RBFOX1: variants seen among roughly 807,000 people sequenced by gnomAD.
The protein encoded by RBFOX1 is RNA binding fox-1 homolog 1, also known as RNA binding protein fox-1 homolog 1.
RBFOX1 carries 8 observed loss-of-function variants against 57.7 expected under a neutral mutation model. The observed-to-expected ratio is 0.14, with a 90% CI of 0.08 to 0.25. The LOEUF (loss-of-function observed/expected upper bound fraction) is 0.25. RBFOX1 is among the 10% of genes least tolerant of loss of function. The pLI is 1.00. For synonymous variants in RBFOX1, 326 were observed against 222.4 expected, an observed-to-expected ratio of 1.47 and a Z score of -4.15; for missense variants, 611 against 548.5, an observed-to-expected ratio of 1.11 and a Z score of -1.14.
At chr16:7,354,700 C>G (rs554478642) in intron 4 of RBFOX1, among the ~76,000 whole-genome samples, 1 of 152,274 alleles carries the variant, frequency 6.6e-6, no homozygotes, top group African/African-American at 2.4e-5. Context: ...TGGAAACATA[C>G]TGTGCGATAT....
chr16:7,347,317 C>G (rs1206116787), intron 4 of RBFOX1, among the ~76,000 whole-genome samples: 1 of 152,112 alleles, frequency 6.6e-6, no homozygotes. Context: ...CCCTCACAAT[C>G]ATGTTGGAAG....
At chr16:5,746,252 T>C (rs1941376173) in intron 3 of RBFOX1, among the ~76,000 whole-genome samples, 1 of 152,350 alleles carries the variant, frequency 6.6e-6, no homozygotes, top group Admixed American at 6.5e-5. Context: ...TGGTTGTAGA[T>C]GTGTGGTATT....
intron 2 of RBFOX1, among the ~76,000 whole-genome samples, chr16:6,327,876 T>G (rs1260633308): frequency 6.6e-6 from 1 of 152,154 alleles, no homozygotes; most frequent in Non-Finnish European, 1.5e-5. Context: ...GGGTTACTGT[T>G]CTATCCATAA....
intron 9 of RBFOX1, among the ~76,000 whole-genome samples, chr16:7,606,514 A>C (rs2095292344): frequency 6.6e-6 from 1 of 152,198 alleles, no homozygotes; most frequent in South Asian, 2.1e-4. Context: ...TGTTCCCCTA[A>C]ATAATGCCCA....
chr16:7,176,151 G>C (rs1008976196), intron 4 of RBFOX1, among the ~76,000 whole-genome samples: 1 of 150,518 alleles, frequency 6.6e-6, no homozygotes, highest in African/African-American at 2.5e-5. Flanking sequence ...TACATGCTAG[G>C]TGTGTGATTT....
chr16:6,494,335 G>A (rs1464957852), intron 2 of RBFOX1, among the ~76,000 whole-genome samples: 2 of 152,158 alleles, frequency 1.3e-5, no homozygotes, highest in Admixed American at 6.5e-5. Flanking sequence ...GTTCCATCCT[G>A]AGGTTCCATT....
intron 1 of RBFOX1, among the ~76,000 whole-genome samples, chr16:6,155,667 C>G (rs2096833304): frequency 1.3e-5 from 2 of 152,170 alleles, no homozygotes; most frequent in African/African-American, 4.8e-5. Context: ...CCCACCAACT[C>G]TTAACTCCGA....
At chr16:6,813,030 A>G (rs969260267) in intron 3 of RBFOX1, among the ~76,000 whole-genome samples, 15 of 152,076 alleles carry the variant, frequency 9.9e-5, no homozygotes, top group Non-Finnish European at 1.5e-4. Context: ...TTCACAAAAG[A>G]CCTATTGTCA....
At chr16:6,438,018 A>G (rs1776846205) in intron 2 of RBFOX1, among the ~76,000 whole-genome samples, 1 of 152,142 alleles carries the variant, frequency 6.6e-6, no homozygotes, top group Admixed American at 6.6e-5. Context: ...TTGTGCCAGG[A>G]AAGAGTAGCT....
intron 2 of RBFOX1, among the ~76,000 whole-genome samples, chr16:6,518,320 A>C (rs2096421249): frequency 6.6e-6 from 1 of 152,184 alleles, no homozygotes. Flanking sequence ...ATTGCAAGAT[A>C]CGTGATCCAG....
chr16:5,760,478 C>T (rs895867004), intron 3 of RBFOX1, among the ~76,000 whole-genome samples: 3 of 152,116 alleles, frequency 2.0e-5, no homozygotes, highest in African/African-American at 7.2e-5. Context: ...CAGCATTCCT[C>T]ACAATAATAA....
chr16:6,620,328 C>G (rs1290506521), intron 2 of RBFOX1, among the ~76,000 whole-genome samples: 3 of 152,174 alleles, frequency 2.0e-5, no homozygotes, highest in Non-Finnish European at 1.5e-5. Context: ...ACCAGAATCT[C>G]TGAGACGCAG....
At chr16:6,116,483 C>T (rs1436500058) in intron 1 of RBFOX1, among the ~76,000 whole-genome samples, 1 of 152,172 alleles carries the variant, frequency 6.6e-6, no homozygotes, top group South Asian at 2.1e-4. Context: ...GAAGATACTA[C>T]CATGCATTGC....
chr16:5,709,205 G>T (rs913105393), intron 3 of RBFOX1, among the ~76,000 whole-genome samples: 1 of 152,134 alleles, frequency 6.6e-6, no homozygotes, highest in African/African-American at 2.4e-5. Flanking sequence ...TTAGAAAATG[G>T]GCTCTGATGG....
intron 1 of RBFOX1, among the ~76,000 whole-genome samples, chr16:6,138,461 A>T (rs1010700755): frequency 6.6e-6 from 1 of 152,190 alleles, no homozygotes; most frequent in Non-Finnish European, 1.5e-5. Flanking sequence ...ATATGGTAAC[A>T]TTCAGTTCCT....
chr16:7,353,810 G>C (rs1392652370), intron 4 of RBFOX1, among the ~76,000 whole-genome samples: 1 of 152,162 alleles, frequency 6.6e-6, no homozygotes, highest in Non-Finnish European at 1.5e-5. Flanking sequence ...AGGGGAGAGA[G>C]TATGGGAAGC....
chr16:5,623,736 C>G (rs1279321838), intron 3 of RBFOX1, among the ~76,000 whole-genome samples: 3 of 152,114 alleles, frequency 2.0e-5, no homozygotes, highest in East Asian at 1.9e-4. Flanking sequence ...CTCCCTGTGT[C>G]TCTCCTGCTC....
At chr16:5,942,517 T>C (rs114430373) in intron 4 of RBFOX1, among the ~76,000 whole-genome samples, 1 of 152,336 alleles carries the variant, frequency 6.6e-6, no homozygotes, top group African/African-American at 2.4e-5. Context: ...AAGTTATTAA[T>C]CTTGTGATCT....
intron 1 of RBFOX1, among the ~76,000 whole-genome samples, chr16:5,246,182 C>T (rs534977662): frequency 5.9e-5 from 9 of 152,290 alleles, no homozygotes; most frequent in African/African-American, 2.2e-4. Flanking sequence ...ACAGAGGTTG[C>T]AGTCAGCCGA....
Sources: allele counts gnomAD v4.1 joint callset (sites outside exome capture counted in the v4.1 genomes callset), GRCh38; gene constraint gnomAD v4.1.1; transcripts MANE v1.5; gene names NCBI Gene and HGNC (gene_info 2026-07-23, HGNC 2026-07-21).